Variants in GABRA2 observed in about 807,000 individuals in gnomAD.
The protein encoded by GABRA2 is gamma-aminobutyric acid receptor subunit alpha-2.
A neutral mutation model predicts 48.7 loss-of-function variants in GABRA2; 16 were observed. The observed-to-expected ratio is 0.33, with a 90% CI of 0.22 to 0.50. GABRA2 has a LOEUF of 0.50. Among genes scored for constraint, GABRA2 ranks in the 20% least tolerant of loss-of-function variants. The probability of loss-of-function intolerance (pLI) is 0.98; values close to 1 mark genes in which losing one functional copy is unlikely to be tolerated. For missense variants in GABRA2, 275 were observed against 535.6 expected (o/e 0.51, Z 4.80); for synonymous variants, 185 against 184.5 (o/e 1.00, Z -0.02).
At chr4:46,389,465 T>C (rs976437539) in intron 1 of GABRA2, 1 of 912,662 alleles carries the variant, frequency 1.1e-6, no homozygotes, top group Non-Finnish European at 1.3e-6. Context: ...GCAGCGGTAA[T>C]CACAGTGAGC....
At position 46,356,981 on chromosome 4, in the gene GABRA2, GTTTT is replaced by G. The variant is rs141407741; in HGVS notation, c.188-24303_188-24300del. On this transcript the variant is annotated intron_variant, in intron 3 of 9. Coordinates refer to ENST00000381620, the MANE Select transcript of GABRA2 (RefSeq NM_000807.4). ...GAGTTGTGTCCTGTTTTCTGGGTTT[GTTTT>G]TTTTTTGTTTTGTTTTGTTTTTGTT... 7.3e-3 allele frequency among the ~76,000 whole-genome samples: 1,065 copies of G among 146,306 alleles called. 16 individuals are homozygous for G. Among genetic ancestry groups the G allele is most frequent in the African/African-American group, 0.026 (1,033 of 40,046 alleles).
intron 9 of GABRA2, among the ~76,000 whole-genome samples, chr4:46,255,791 G>T (rs1202761975): frequency 6.6e-6 from 1 of 151,532 alleles, no homozygotes; most frequent in Non-Finnish European, 1.5e-5. Flanking sequence ...TTACACCATG[G>T]TGTCAAAACA....
rs370191614 is a variant in GABRA2 at position 46,299,198 on chromosome 4, C to T, written c.856+4262G>A. 6.4e-4 allele frequency among the ~76,000 whole-genome samples: 97 copies of T among 151,638 alleles called. 2 individuals are homozygous for T. In the South Asian group the frequency reaches 0.02, roughly 31 times the overall value. Reference sequence around the variant, plus strand: ...TAATAACAAGCAAATGTTTATAACCCTAAGTTAAATTTGGTTTGGCAGACA... The same window carrying T: ...TAATAACAAGCAAATGTTTATAACCTTAAGTTAAATTTGGTTTGGCAGACA... On this transcript the variant is annotated intron_variant, in intron 8 of 9. Transcript: ENST00000381620.
At chr4:46,360,069 C>T (rs1712917498) in intron 3 of GABRA2, among the ~76,000 whole-genome samples, 1 of 152,162 alleles carries the variant, frequency 6.6e-6, no homozygotes, top group Admixed American at 6.5e-5. Flanking sequence ...ATTAATTCCT[C>T]CTGGCTCTTT....
intron 4 of GABRA2, 101 bp from the exon 5 acceptor site, chr4:46,312,817 G>C (rs1286838661): frequency 1.6e-6 from 1 of 635,212 alleles, no homozygotes; most frequent in East Asian, 3.0e-5. Context: ...AACAGAGAGA[G>C]CTATATTGAA....
intron 8 of GABRA2, among the ~76,000 whole-genome samples, chr4:46,263,158 C>T (rs1015313982): frequency 2.0e-5 from 3 of 151,788 alleles, no homozygotes; most frequent in Non-Finnish European, 4.4e-5. Context: ...AAATCAGCAG[C>T]AACTGTAAAG....
At chr4:46,377,783 G>A (rs867520186) in intron 3 of GABRA2, among the ~76,000 whole-genome samples, 98 of 119,846 alleles carry the variant, frequency 8.2e-4, no homozygotes, top group Non-Finnish European at 1.2e-3. Context: ...AGTGAGGGGC[G>A]CCTCTGCCCG....
rs1560422373 is a variant in GABRA2, at chr4:46,249,035, T to TGTGG, written c.*1272_*1273insCCAC. 1 of 26,682 alleles carries TGTGG rather than the reference T, an allele frequency of 3.7e-5. No homozygotes were observed. The highest frequency in any genetic ancestry group is 2.9e-4 in the African/African-American group (1 of 3,414). 1.7% of individuals were successfully genotyped at this position (26,682 alleles called of 1,614,324 possible). On this transcript the variant is annotated 3_prime_UTR_variant, in exon 10 of 10. Coordinates refer to ENST00000381620, the MANE Select transcript of GABRA2 (RefSeq NM_000807.4). ...TTGTGTTTTCTAATTTAGCTGTGTATGTGTGTGTGTGTGTGTGTGTGTGTG... is the reference window on the plus strand; with the variant it reads ...TTGTGTTTTCTAATTTAGCTGTGTATGTGGGTGTGTGTGTGTGTGTGTGTGTGTG...
At chr4:46,281,112 T>C (rs1721452420) in intron 8 of GABRA2, among the ~76,000 whole-genome samples, 1 of 152,092 alleles carries the variant, frequency 6.6e-6, no homozygotes, top group Non-Finnish European at 1.5e-5. Context: ...GGAGATATGA[T>C]AGTGGTTCAG....
chr4:46,311,031 T>A (rs553314175), intron 5 of GABRA2, among the ~76,000 whole-genome samples: 2 of 152,326 alleles, frequency 1.3e-5, no homozygotes, highest in Admixed American at 1.3e-4. Context: ...TTGTTATGGC[T>A]TAAATTCTAA....
intron 3 of GABRA2, chr4:46,363,616 A>T (rs1411756402): frequency 6.6e-6 from 1 of 152,214 alleles, no homozygotes; most frequent in Non-Finnish European, 1.5e-5. Flanking sequence ...ATTATATAAA[A>T]TCTAAGGTAT....
intron 9 of GABRA2, among the ~76,000 whole-genome samples, chr4:46,254,660 G>A (rs1221547585): frequency 2.6e-5 from 4 of 151,440 alleles, no homozygotes; most frequent in African/African-American, 9.7e-5. Flanking sequence ...GATCATGCAG[G>A]CAAACTGACA....
At chr4:46,312,082 G>C (rs907649880) in intron 5 of GABRA2, among the ~76,000 whole-genome samples, 1 of 152,244 alleles carries the variant, frequency 6.6e-6, no homozygotes, top group Non-Finnish European at 1.5e-5. Context: ...CTGGGTGATA[G>C]AGCAAGTCTC....
chr4:46,295,125 A>G (rs1282635941), intron 8 of GABRA2, among the ~76,000 whole-genome samples: 1 of 152,208 alleles, frequency 6.6e-6, no homozygotes, highest in East Asian at 1.9e-4. Flanking sequence ...ATATGCAGGC[A>G]CCACTTAAAA....
At chr4:46,282,302 C>T (rs766304372) in intron 8 of GABRA2, among the ~76,000 whole-genome samples, 4 of 152,064 alleles carry the variant, frequency 2.6e-5, no homozygotes, top group African/African-American at 7.3e-5. Context: ...CTAGCCAGGA[C>T]GACTGTATCA....
chr4:46,372,433 T>A (rs967568802), intron 3 of GABRA2, among the ~76,000 whole-genome samples: 1 of 152,106 alleles, frequency 6.6e-6, no homozygotes, highest in Admixed American at 6.5e-5. Context: ...GCAGTAGCCA[T>A]CTTGGGATCA....
At chr4:46,312,235 G>A (rs371867774) in intron 5 of GABRA2, among the ~76,000 whole-genome samples, 9 of 39,686 alleles carry the variant, frequency 2.3e-4, no homozygotes, top group African/African-American at 2.0e-3. Context: ...TAAAAATGTC[G>A]TGAAGAATAA....
At chr4:46,343,970 T>C (rs1733724317) in intron 3 of GABRA2, among the ~76,000 whole-genome samples, 1 of 151,924 alleles carries the variant, frequency 6.6e-6, no homozygotes, top group Non-Finnish European at 1.5e-5. Flanking sequence ...GCCACCTCAC[T>C]GGGTTCCTGT....
Position 46,249,326 on chromosome 4 carries a change from G to A in GABRA2, c.*982C>T, listed in dbSNP as rs771055945. 2.6e-5 allele frequency: 4 copies of A among 151,286 alleles called. No homozygotes were observed. The highest frequency in any genetic ancestry group is 5.9e-5 in the Non-Finnish European group (4 of 67,626). 9.4% of individuals were successfully genotyped at this position (151,286 alleles called of 1,614,324 possible). A position where few individuals can be genotyped will look rare whatever the true frequency, so the allele number is the denominator to read the frequency against. ...CTGAGTCTTGAAAAGAAGCCTTAAG[G>A]CAGAATTTGCAGTAAACAGGAAAGA... On this transcript the variant is annotated 3_prime_UTR_variant, in exon 10 of 10. Coordinates refer to ENST00000381620, the MANE Select transcript of GABRA2 (RefSeq NM_000807.4).
Sources: gnomAD v4.1 joint callset for allele counts (sites outside exome capture counted in the v4.1 genomes callset) on GRCh38, gnomAD v4.1.1 for gene constraint, MANE v1.5 for transcripts, NCBI Gene and HGNC (gene_info 2026-07-23, HGNC 2026-07-21) for gene names.